The following GTF2IRD1 variants were observed in gnomAD, a reference collection of about 807,000 sequenced individuals.
GTF2IRD1 encodes GTF2I repeat domain containing 1.
Under a neutral mutation model 113.2 loss-of-function variants are expected in GTF2IRD1, and 26 were observed. That is an observed-to-expected ratio of 0.23 (90% CI 0.17 to 0.32). GTF2IRD1 has a LOEUF of 0.32. GTF2IRD1 is among the 10% of genes least tolerant of loss of function. The pLI, the probability that GTF2IRD1 is intolerant of heterozygous loss-of-function variation, is 1.00. For synonymous variants in GTF2IRD1, 484 were observed against 529.1 expected, an observed-to-expected ratio of 0.91 and a Z score of 1.17; for missense variants, 864 against 1,280.8, an observed-to-expected ratio of 0.67 and a Z score of 4.97.
intron 19 of GTF2IRD1, 79 bp from the exon 20 acceptor site, chr7:74,557,560 A>T: frequency 1.1e-6 from 1 of 941,282 alleles, no homozygotes; most frequent in Non-Finnish European, 1.7e-6. Context: ...CCCCATAATT[A>T]GAAAATCATC....
chr7:74,577,419 CT>C (rs1461793028), intron 22 of GTF2IRD1, among the ~76,000 whole-genome samples: 1 of 152,184 alleles, frequency 6.6e-6, no homozygotes, highest in Non-Finnish European at 1.5e-5. Flanking sequence ...ATTTCTCTTT[CT>C]TTTTCTCTAT....
At chr7:74,522,085 TATTGATCC>T (rs1554346134) in intron 7 of GTF2IRD1, among the ~76,000 whole-genome samples, 1 of 152,132 alleles carries the variant, frequency 6.6e-6, no homozygotes. Context: ...CCTCCAGAGT[TATTGATCC>T]AAAAGAGAGG....
At chr7:74,496,219 C>T (rs926948555) in intron 1 of GTF2IRD1, among the ~76,000 whole-genome samples, 6 of 148,236 alleles carry the variant, frequency 4.0e-5, no homozygotes, top group African/African-American at 1.3e-4. Flanking sequence ...GGGGTGTCTG[C>T]ATGTGGGTGT....
At chr7:74,556,631 T>TTC (rs1293645873) in intron 19 of GTF2IRD1, among the ~76,000 whole-genome samples, 1 of 144,220 alleles carries the variant, frequency 6.9e-6, no homozygotes, top group African/African-American at 2.6e-5. Flanking sequence ...TTTTTTTTTT[T>TTC]TTTTTTTTTT....
intron 5 of GTF2IRD1, 27 bp downstream of exon 5, chr7:74,518,349 G>A: frequency 6.5e-7 from 1 of 1,544,696 alleles, no homozygotes; most frequent in Non-Finnish European, 8.8e-7. Flanking sequence ...GCCCGGGGCT[G>A]GGCTGGGGCT....
intron 22 of GTF2IRD1, among the ~76,000 whole-genome samples, chr7:74,580,402 G>A (rs587629857): frequency 1.5e-4 from 23 of 152,270 alleles, no homozygotes; most frequent in African/African-American, 4.8e-4. Flanking sequence ...CCAACGTGAG[G>A]TCGTCAGTCT....
chr7:74,489,882 C>T (rs1249045015), intron 1 of GTF2IRD1, among the ~76,000 whole-genome samples: 2 of 152,164 alleles, frequency 1.3e-5, no homozygotes, highest in Non-Finnish European at 1.5e-5. Flanking sequence ...GATACCAGGA[C>T]ACAACGGGGG....
At chr7:74,461,545 C>T (rs529775437) in intron 1 of GTF2IRD1, among the ~76,000 whole-genome samples, 1 of 152,258 alleles carries the variant, frequency 6.6e-6, no homozygotes, top group African/African-American at 2.4e-5. Context: ...CCCCAGCCCC[C>T]GGCTGGCACA....
At chr7:74,487,668 A>G (rs1176437283) in intron 1 of GTF2IRD1, 1 of 152,232 alleles carries the variant, frequency 6.6e-6, no homozygotes, top group Non-Finnish European at 1.5e-5. Context: ...CTGTAATTCC[A>G]TTGGTAACAA....
chr7:74,478,195 C>T (rs1016849531), intron 1 of GTF2IRD1, among the ~76,000 whole-genome samples: 38 of 152,344 alleles, frequency 2.5e-4, no homozygotes, highest in African/African-American at 6.7e-4. Flanking sequence ...ACTCCCCAAC[C>T]GCCCCTTGCG....
intron 17 of GTF2IRD1, 117 bp downstream of exon 17, chr7:74,547,403 GAC>G (rs1799007746): frequency 1.6e-5 from 12 of 754,072 alleles, no homozygotes; most frequent in Non-Finnish European, 2.6e-5. Flanking sequence ...GAATAGCTGG[GAC>G]CACAGGTGTG....
At chr7:74,532,464 G>T (rs1441447867) in intron 9 of GTF2IRD1, among the ~76,000 whole-genome samples, 1 of 152,186 alleles carries the variant, frequency 6.6e-6, no homozygotes. Flanking sequence ...TGACGGAGGA[G>T]GATCACTTGA....
intron 13 of GTF2IRD1, 90 bp from the exon 14 acceptor site, chr7:74,539,789 T>C: frequency 2.4e-6 from 2 of 820,522 alleles, no homozygotes; most frequent in East Asian, 5.0e-5. Context: ...CCCTTGTCTG[T>C]GGGGAGACTG....
At chr7:74,586,485 G>A (rs1801726337) in intron 22 of GTF2IRD1, among the ~76,000 whole-genome samples, 1 of 152,228 alleles carries the variant, frequency 6.6e-6, no homozygotes, top group South Asian at 2.1e-4. Context: ...ACGCAGGGGG[G>A]CTGGCGGGCC....
chr7:74,542,836 G>A (rs1188786987), intron 14 of GTF2IRD1, among the ~76,000 whole-genome samples: 1 of 152,240 alleles, frequency 6.6e-6, no homozygotes, highest in Non-Finnish European at 1.5e-5. Context: ...AGGCTGGGTG[G>A]CACTGCAGGG....
intron 12 of GTF2IRD1, 122 bp from the exon 13 acceptor site, chr7:74,538,558 A>G (rs1408733672): frequency 6.3e-6 from 5 of 790,182 alleles, no homozygotes; most frequent in Non-Finnish European, 1.2e-5. Context: ...GGGGGCTGAC[A>G]TGACTTGTCC....
Position 74,512,990 on chromosome 7 carries a change from C to T in GTF2IRD1, c.265+19C>T, listed in dbSNP as rs782498759. 1.7e-5 allele frequency: 27 copies of T among 1,606,518 alleles called. No homozygotes were observed. The highest frequency in any genetic ancestry group is 3.3e-5 in the Admixed American group (2 of 59,748). ...TTCTGCCGTGAGTACCCCAGGGCTC[C>T]GGAGGGCCGGGCCCGCCATTTCCCG... On this transcript the variant is annotated intron_variant, in intron 3 of 26. Transcript: ENST00000424337. This position sits in a 1 kb window ranked among gnomAD's most constrained non-coding sequence, Gnocchi z 4.4.
chr7:74,584,978 T>C (rs1801631628), intron 22 of GTF2IRD1, among the ~76,000 whole-genome samples: 1 of 152,060 alleles, frequency 6.6e-6, no homozygotes, highest in African/African-American at 2.4e-5. Flanking sequence ...AATTTTGTAC[T>C]TTTAGTTGAG....
At chr7:74,454,414 G>A (rs1195634538) in intron 1 of GTF2IRD1, among the ~76,000 whole-genome samples, 1 of 151,922 alleles carries the variant, frequency 6.6e-6, no homozygotes, top group Non-Finnish European at 1.5e-5. Flanking sequence ...GGGGCCGGGA[G>A]CTGGGAGCTG....
Sources: gnomAD v4.1 joint callset for allele counts (sites outside exome capture counted in the v4.1 genomes callset) on GRCh38, gnomAD v4.1.1 for gene constraint, Gnocchi (gnomAD v3.1) non-coding constraint, MANE v1.5 for transcripts, NCBI Gene and HGNC (gene_info 2026-07-23, HGNC 2026-07-21) for gene names.